FLT3: variants seen among roughly 807,000 people sequenced by gnomAD.
The protein encoded by FLT3 is fms related receptor tyrosine kinase 3, also known as receptor-type tyrosine-protein kinase FLT3.
Under a neutral mutation model 126.6 loss-of-function variants are expected in FLT3, and 46 were observed. The ratio of observed to expected loss-of-function variants is 0.36; its 90% CI spans 0.29 to 0.46. The LOEUF (loss-of-function observed/expected upper bound fraction) is 0.46, where lower values mean the gene tolerates loss of function less well. Among genes scored for constraint, FLT3 ranks in the 20% least tolerant of loss-of-function variants. The probability of loss-of-function intolerance (pLI) is 1.00; values close to 1 mark genes in which losing one functional copy is unlikely to be tolerated. For synonymous variants in FLT3, 404 were observed against 434.4 expected (o/e 0.93, Z 0.87); for missense variants, 1,069 against 1,190.3 (o/e 0.90, Z 1.50).
chr13:28,034,858 G>A lies in FLT3; in HGVS notation c.1598-451C>T, dbSNP rs1873685643. ...AATCCCAGCTGCTCGGGAGGCTGAG[G>A]CAGGAGAATCGCTTGAACCCTGGCA... is the stretch of plus-strand genomic sequence containing the variant. On this transcript the variant is annotated intron_variant, in intron 12 of 23. Coordinates refer to ENST00000241453, the MANE Select transcript of FLT3 (RefSeq NM_004119.3). Among the ~76,000 whole-genome samples the A allele has an allele frequency of 2.0e-5, 3 of 151,798 alleles. No individual in the cohort carries two copies. The South Asian group carries it at 6.2e-4, about 31-fold the overall frequency.
At chr13:28,009,656 ACT>A (rs1195603162) in intron 23 of FLT3, among the ~76,000 whole-genome samples, 1 of 151,644 alleles carries the variant, frequency 6.6e-6, no homozygotes, top group Non-Finnish European at 1.5e-5. Flanking sequence ...CGCTCCCCAG[ACT>A]CAAGCGATCC....
chr13:28,057,155 C>T (rs575525298), intron 4 of FLT3, among the ~76,000 whole-genome samples, 192 bp downstream of exon 4: 4 of 152,304 alleles, frequency 2.6e-5, no homozygotes, highest in South Asian at 4.1e-4. Flanking sequence ...CGGCACACAT[C>T]AGTGATTCAT....
Position 28,015,175 on chromosome 13 carries a change from A to G in FLT3, c.2735T>C (p.Phe912Ser). 6 of 1,602,606 alleles carry G rather than the reference A, an allele frequency of 3.7e-6. No homozygotes were observed. The highest frequency in any genetic ancestry group is 5.1e-6 in the Non-Finnish European group (6 of 1,169,838). The change falls in exon 22 of 24, where the codon TTT becomes TCT. Residue 912 changes from phenylalanine to serine, a missense_variant. Coordinates refer to ENST00000241453, the MANE Select transcript of FLT3 (RefSeq NM_004119.3). ...AACTTACATTTCTTCTGTAGCATAA[A>G]ATGGCTGATCCATTTTAAATCCATT... is the stretch of plus-strand genomic sequence containing the variant. ...IQNGFKMDQP[F>S]YATEEIYIIM...
intron 16 of FLT3, 141 bp from the exon 17 acceptor site, chr13:28,027,382 CT>C: frequency 1.9e-6 from 1 of 523,888 alleles, no homozygotes; most frequent in South Asian, 3.6e-5. Flanking sequence ...GAGCCTAGCT[CT>C]TCTTATACTT....
intron 1 of FLT3, among the ~76,000 whole-genome samples, chr13:28,093,925 G>A (rs1041760205): frequency 2.0e-4 from 31 of 152,062 alleles, no homozygotes; most frequent in Admixed American, 2.0e-3. Flanking sequence ...GTGGGAAGGA[G>A]GGAGGGAATT....
At chr13:28,021,959 G>C (rs576851147) in intron 19 of FLT3, among the ~76,000 whole-genome samples, 2 of 152,054 alleles carry the variant, frequency 1.3e-5, no homozygotes, top group South Asian at 2.1e-4. Flanking sequence ...GGATGGTCTC[G>C]ATCTCCTGAC....
chr13:28,067,730 C>T (rs916270755), intron 2 of FLT3: 1 of 159,742 alleles, frequency 6.3e-6, no homozygotes, highest in African/African-American at 2.4e-5. Context: ...GTAAGTAAAA[C>T]AGCTGCACAA....
chr13:28,087,599 GACATATCT>G (rs1878759769), intron 1 of FLT3, among the ~76,000 whole-genome samples: 1 of 151,984 alleles, frequency 6.6e-6, no homozygotes, highest in African/African-American at 2.4e-5. Flanking sequence ...CCTTATTTTT[GACATATCT>G]TTACTGTCAT....
At chr13:28,067,988 G>C (rs952009616) in intron 2 of FLT3, 1 of 268,446 alleles carries the variant, frequency 3.7e-6, no homozygotes. Flanking sequence ...TCTTCACAAA[G>C]AGAAAACCAG....
intron 1 of FLT3, among the ~76,000 whole-genome samples, chr13:28,076,306 A>T (rs764881452): frequency 2.6e-5 from 4 of 152,330 alleles, no homozygotes; most frequent in Middle Eastern, 3.4e-3. Flanking sequence ...AGAGGGACAA[A>T]ACCAATAGGA....
chr13:28,037,506 T>C (rs1873943563), intron 9 of FLT3, among the ~76,000 whole-genome samples: 1 of 152,214 alleles, frequency 6.6e-6, no homozygotes, highest in Non-Finnish European at 1.5e-5. Flanking sequence ...GGGAGCTTGT[T>C]ACAATTGCAA....
At chr13:28,020,493 G>A (rs535810876) in intron 19 of FLT3, among the ~76,000 whole-genome samples, 6 of 152,192 alleles carry the variant, frequency 3.9e-5, no homozygotes, top group Non-Finnish European at 5.9e-5. Context: ...GATTATAGGC[G>A]TACACCACCG....
chr13:28,059,703 T>C (rs1250572938), intron 3 of FLT3, among the ~76,000 whole-genome samples: 1 of 152,194 alleles, frequency 6.6e-6, no homozygotes, highest in Non-Finnish European at 1.5e-5. Context: ...GGCTCATGCC[T>C]GTAATCCCAG....
intron 15 of FLT3, among the ~76,000 whole-genome samples, chr13:28,029,036 C>A (rs1833429812): frequency 1.3e-5 from 2 of 152,226 alleles, no homozygotes; most frequent in South Asian, 2.1e-4. Flanking sequence ...CCCAACTCCG[C>A]CTCCCAAAGT....
chr13:28,039,610 G>T (rs1212195685), intron 9 of FLT3, among the ~76,000 whole-genome samples: 2 of 142,052 alleles, frequency 1.4e-5, no homozygotes, highest in African/African-American at 5.4e-5. Context: ...GTTCAGTGGC[G>T]TGATCTTGGC....
chr13:28,014,590 A>G (rs752448694), intron 22 of FLT3, 33 bp from the exon 23 acceptor site: 11 of 1,487,904 alleles, frequency 7.4e-6, no homozygotes, highest in African/African-American at 1.4e-5. Context: ...AACAAGATGA[A>G]GAAGTCTGAA....
intron 20 of FLT3, among the ~76,000 whole-genome samples, chr13:28,017,627 T>C (rs1871978427): frequency 2.0e-5 from 3 of 152,062 alleles, no homozygotes; most frequent in Non-Finnish European, 4.4e-5. Flanking sequence ...CCTTAGTTTT[T>C]CATTACCAAG....
chr13:28,049,598 G>T, intron 7 of FLT3, 37 bp downstream of exon 7: 1 of 1,613,222 alleles, frequency 6.2e-7, no homozygotes. Context: ...TTAGTTAATT[G>T]TTCCTGCATT....
intron 2 of FLT3, among the ~76,000 whole-genome samples, chr13:28,069,529 G>A (rs1413211923): frequency 6.6e-6 from 1 of 152,164 alleles, no homozygotes; most frequent in Non-Finnish European, 1.5e-5. Flanking sequence ...GCAGCTGGAA[G>A]TGAGGGATTC....
Sources: allele counts gnomAD v4.1 joint callset (sites outside exome capture counted in the v4.1 genomes callset), GRCh38; gene constraint gnomAD v4.1.1; transcripts MANE v1.5; gene names NCBI Gene and HGNC (gene_info 2026-07-23, HGNC 2026-07-21).